LRP2: variants seen among roughly 807,000 people sequenced by gnomAD.
LRP2 encodes the protein LDL receptor related protein 2, also known as low-density lipoprotein receptor-related protein 2.
A neutral mutation model predicts 531.0 loss-of-function variants in LRP2; 172 were observed. That is an observed-to-expected ratio of 0.32 (90% CI 0.29 to 0.37). LRP2 has a LOEUF of 0.37. Among genes scored for constraint, LRP2 ranks in the 10% least tolerant of loss-of-function variants. The pLI is 1.00. For synonymous variants in LRP2, 1,992 were observed against 2,027.6 expected (o/e 0.98, Z 0.47); for missense variants, 5,167 against 5,868.3 (o/e 0.88, Z 3.90).
chr2:169,279,420 G>T lies in LRP2; in HGVS notation c.1517C>A (p.Thr506Asn), dbSNP rs1054888482. The T allele has an allele frequency of 6.2e-7, 1 of 1,614,048 alleles. No individual in the cohort carries two copies. Among genetic ancestry groups the T allele is most frequent in the African/African-American group, 1.3e-5 (1 of 75,040 alleles). Reference protein sequence around the residue: ...LDGSYRVTLITENLGHPRGIA... With the variant: ...LDGSYRVTLINENLGHPRGIA... Reference sequence around the variant, plus strand: ...TCCTCTAGGATGCCCCAAGTTTTCAGTTATAAGGGTAACCCGATAGCTTCC... The same window carrying T: ...TCCTCTAGGATGCCCCAAGTTTTCATTTATAAGGGTAACCCGATAGCTTCC... The change falls in exon 12 of 79, where the codon ACT becomes AAT. Residue 506 changes from threonine (T) to asparagine (N), a missense_variant. This residue lies in a region of LRP2 where 2,811 missense variants were observed against 3,058.0 expected (regional missense o/e 0.92). Coordinates refer to ENST00000649046, the MANE Select transcript of LRP2 (RefSeq NM_004525.3).
chr2:169,333,133 A>C (rs1486891601), intron 1 of LRP2, among the ~76,000 whole-genome samples: 1 of 152,208 alleles, frequency 6.6e-6, no homozygotes, highest in African/African-American at 2.4e-5. Context: ...CAACATTTTT[A>C]ATAAAAATGT....
chr2:169,238,566 G>A (rs1188739886), intron 26 of LRP2, among the ~76,000 whole-genome samples: 1 of 151,980 alleles, frequency 6.6e-6, no homozygotes, highest in Non-Finnish European at 1.5e-5. Flanking sequence ...TACTAGTCTA[G>A]AGTAAACTAT....
At chr2:169,196,230 G>C (rs1337680148) in intron 46 of LRP2, among the ~76,000 whole-genome samples, 1 of 152,228 alleles carries the variant, frequency 6.6e-6, no homozygotes, top group Non-Finnish European at 1.5e-5. Context: ...TATCTATAAA[G>C]ACAGGCAACT....
intron 33 of LRP2, 33 bp downstream of exon 33, chr2:169,225,277 A>G: frequency 6.2e-7 from 1 of 1,604,874 alleles, no homozygotes; most frequent in Non-Finnish European, 8.5e-7. Flanking sequence ...TCTAAATCCA[A>G]TGTTTGTGTA....
chr2:169,318,220 A>T (rs934190961), intron 3 of LRP2, among the ~76,000 whole-genome samples: 27 of 152,262 alleles, frequency 1.8e-4, no homozygotes, highest in African/African-American at 6.3e-4. Flanking sequence ...ATGTCCAGGG[A>T]TGCCGCAGTT....
At chr2:169,272,723 T>C (rs1574207754) in intron 15 of LRP2, among the ~76,000 whole-genome samples, 1 of 152,042 alleles carries the variant, frequency 6.6e-6, no homozygotes, top group Admixed American at 6.6e-5. Flanking sequence ...AAGACAGAAA[T>C]TTACATTTTC....
At chr2:169,176,679 T>C in intron 53 of LRP2, 91 bp from the exon 54 acceptor site, 2 of 1,120,914 alleles carry the variant, frequency 1.8e-6, no homozygotes, top group Non-Finnish European at 2.7e-6. Flanking sequence ...TTTAAACTCA[T>C]CACCTCTTAG....
chr2:169,313,905 G>A (rs1033451492), intron 3 of LRP2, among the ~76,000 whole-genome samples: 2 of 152,162 alleles, frequency 1.3e-5, no homozygotes, highest in African/African-American at 4.8e-5. Flanking sequence ...TGGTCCGTGG[G>A]TATCTATAAA....
At chr2:169,361,490 T>C (rs891456613) in intron 1 of LRP2, among the ~76,000 whole-genome samples, 1 of 151,728 alleles carries the variant, frequency 6.6e-6, no homozygotes, top group African/African-American at 2.4e-5. Flanking sequence ...TCTCTTACGC[T>C]CTCTCCTCTT....
chr2:169,346,228 G>A (rs895395852), intron 1 of LRP2, among the ~76,000 whole-genome samples: 3 of 152,096 alleles, frequency 2.0e-5, no homozygotes, highest in Admixed American at 1.3e-4. Context: ...ATGTTCTCTC[G>A]TCTGCACTGT....
chr2:169,345,169 G>A (rs1403539078), intron 1 of LRP2, among the ~76,000 whole-genome samples: 3 of 152,216 alleles, frequency 2.0e-5, no homozygotes, highest in Admixed American at 1.3e-4. Context: ...GGGGTAAATC[G>A]TTAAATAAAA....
chr2:169,175,067 C>T (rs982473862), intron 55 of LRP2, 126 bp downstream of exon 55: 138 of 856,288 alleles, frequency 1.6e-4, no homozygotes, highest in Admixed American at 4.7e-4. Flanking sequence ...AGGATGGAGC[C>T]TGAGTTTCCT....
intron 50 of LRP2, 58 bp from the exon 51 acceptor site, chr2:169,182,377 T>C: frequency 6.2e-7 from 1 of 1,605,116 alleles, no homozygotes; most frequent in South Asian, 1.1e-5. Flanking sequence ...GGTACATATT[T>C]AGCCACCCAG....
intron 1 of LRP2, among the ~76,000 whole-genome samples, chr2:169,357,745 T>C (rs866003251): frequency 3.3e-5 from 5 of 152,238 alleles, no homozygotes; most frequent in Admixed American, 2.0e-4. Context: ...TCTAGGTTCC[T>C]GGTATCATTA....
At chr2:169,309,340 G>A (rs934598998) in intron 3 of LRP2, among the ~76,000 whole-genome samples, 4 of 152,002 alleles carry the variant, frequency 2.6e-5, no homozygotes, top group African/African-American at 4.8e-5. Context: ...TTTCTTCTAG[G>A]GTTTTTATGG....
intron 4 of LRP2, 134 bp from the exon 5 acceptor site, chr2:169,294,844 G>T (rs2673173): frequency 1.5e-6 from 1 of 652,662 alleles, no homozygotes. Flanking sequence ...CACAAAAGAA[G>T]TATGCTCCCT....
chr2:169,356,036 G>T (rs1485890231), intron 1 of LRP2, among the ~76,000 whole-genome samples: 1 of 151,956 alleles, frequency 6.6e-6, no homozygotes, highest in African/African-American at 2.4e-5. Context: ...GACCACAAGG[G>T]CACACCACCA....
intron 47 of LRP2, 51 bp from the exon 48 acceptor site, chr2:169,192,084 G>T: frequency 7.0e-7 from 1 of 1,436,490 alleles, no homozygotes. Context: ...CAGTGCAGCA[G>T]TTAATTCTCT....
At chr2:169,161,061 T>G (rs560317765) in intron 63 of LRP2, among the ~76,000 whole-genome samples, 1 of 152,208 alleles carries the variant, frequency 6.6e-6, no homozygotes, top group Non-Finnish European at 1.5e-5. Context: ...CTCCTAGAGT[T>G]TGGAGAAGGG....
Sources: gnomAD v4.1 joint callset for allele counts (sites outside exome capture counted in the v4.1 genomes callset) on GRCh38, gnomAD v4.1.1 for gene constraint, gnomAD v4.1.1 regional missense constraint, MANE v1.5 for transcripts, NCBI Gene and HGNC (gene_info 2026-07-23, HGNC 2026-07-21) for gene names.